Variants in INPP5B observed in about 807,000 individuals in gnomAD.
INPP5B encodes the protein type II inositol 1,4,5-trisphosphate 5-phosphatase.
Under a neutral mutation model 118.5 loss-of-function variants are expected in INPP5B, and 90 were observed. The ratio of observed to expected loss-of-function variants is 0.76; its 90% CI spans 0.64 to 0.90. The LOEUF is 0.90. Among genes scored for constraint, INPP5B ranks in the 40% least tolerant of loss-of-function variants. The pLI is 0.00. For synonymous variants in INPP5B, 385 were observed against 418.9 expected, an observed-to-expected ratio of 0.92 and a Z score of 0.99; for missense variants, 984 against 1,125.6, an observed-to-expected ratio of 0.87 and a Z score of 1.80.
rs1641732940 is a variant in INPP5B, at chr1:37,862,090, A to G, written c.*225T>C. The G allele has an allele frequency of 2.2e-6, 1 of 457,412 alleles. No homozygotes were observed. The allele number at this position is 457,412 out of a possible 1,614,324, so 28.3% of individuals were successfully genotyped here. ...TCTGTGTTAAATAACTAAAGTTGAA[A>G]ATTGAATGTCAGTTTTATTATGGTG... On this transcript the variant is annotated 3_prime_UTR_variant, in exon 24 of 24. Coordinates refer to ENST00000373024, the MANE Select transcript of INPP5B (RefSeq NM_005540.3).
intron 19 of INPP5B, among the ~76,000 whole-genome samples, chr1:37,870,390 T>A (rs373870759): frequency 6.6e-6 from 1 of 152,216 alleles, no homozygotes; most frequent in South Asian, 2.1e-4. Context: ...GGATTACAAT[T>A]GTGAGTCACT....
chr1:37,945,432 AAAAC>A (rs1284823642), intron 3 of INPP5B, among the ~76,000 whole-genome samples: 1 of 152,174 alleles, frequency 6.6e-6, no homozygotes, highest in African/African-American at 2.4e-5. Context: ...ACTCCTTCTC[AAAAC>A]AAACAAACAA....
chr1:37,874,167 C>T lies in INPP5B; in HGVS notation c.1789-12G>A, dbSNP rs765841199. ...TTCTGAAAACAGAACTGGGAAGAAGCCCGGGGCCAGTGAAAACCAGTGCCC... is the reference window on the plus strand; with the variant it reads ...TTCTGAAAACAGAACTGGGAAGAAGTCCGGGGCCAGTGAAAACCAGTGCCC... On this transcript the variant is annotated splice_polypyrimidine_tract_variant and intron_variant, in intron 17 of 23. Coordinates refer to ENST00000373024, the MANE Select transcript of INPP5B (RefSeq NM_005540.3). The T allele has an allele frequency of 4.5e-6, 7 of 1,545,104 alleles. No homozygotes were observed. Among genetic ancestry groups the T allele is most frequent in the South Asian group, 2.4e-5 (2 of 83,870 alleles).
intron 19 of INPP5B, among the ~76,000 whole-genome samples, chr1:37,871,539 G>A (rs1440120905): frequency 1.3e-5 from 2 of 152,024 alleles, no homozygotes; most frequent in East Asian, 1.9e-4. Context: ...AAGCTGAGGC[G>A]GGCAGATCAC....
chr1:37,932,151 G>GGAGAAACA, intron 6 of INPP5B, 98 bp from the exon 7 acceptor site: 20 of 1,305,062 alleles, frequency 1.5e-5, no homozygotes, highest in Non-Finnish European at 1.9e-5. Flanking sequence ...TGTTTCTCCC[G>GGAGAAACA]CGCACAGAAG....
At chr1:37,922,029 CAA>C (rs968003099) in intron 7 of INPP5B, among the ~76,000 whole-genome samples, 1 of 150,660 alleles carries the variant, frequency 6.6e-6, no homozygotes, top group Non-Finnish European at 1.5e-5. Flanking sequence ...AAGACTGTCT[CAA>C]AAAACTAAAA....
chr1:37,892,874 G>A (rs745892561), intron 7 of INPP5B, among the ~76,000 whole-genome samples: 6 of 152,130 alleles, frequency 3.9e-5, no homozygotes, highest in Admixed American at 1.3e-4. Flanking sequence ...TATAAGGGTT[G>A]AGGAGACTAG....
In INPP5B at chr1:37,882,928, C is replaced by G. The variant is rs978480225; in HGVS notation, c.1320-10G>C. On this transcript the variant is annotated splice_polypyrimidine_tract_variant and intron_variant, in intron 13 of 23. Transcript: ENST00000373024. ...CAGCCACAAGATCACACTGTGAGGACAGAGCACAAAGGTAACAGGGTTTAG... is the reference window on the plus strand; with the variant it reads ...CAGCCACAAGATCACACTGTGAGGAGAGAGCACAAAGGTAACAGGGTTTAG... 2 of 1,614,082 alleles carry G rather than the reference C, an allele frequency of 1.2e-6. No homozygotes were observed. The highest frequency in any genetic ancestry group is 8.5e-7 in the Non-Finnish European group (1 of 1,179,970).
At position 37,907,433 on chromosome 1, in the gene INPP5B, T is replaced by C. The variant is rs1644538205; in HGVS notation, c.533-15979A>G. ...TTACAGAAGATGGATTTTCATCCCT[T>C]TGCAACCCTTATGATTAAGGGCTCT... On this transcript the variant is annotated intron_variant, in intron 7 of 23. Coordinates refer to ENST00000373024, the MANE Select transcript of INPP5B (RefSeq NM_005540.3). This position sits in a 1 kb window ranked among gnomAD's most constrained non-coding sequence, Gnocchi z 4.3. Among the ~76,000 whole-genome samples the C allele has an allele frequency of 6.6e-6, 1 of 152,176 alleles. No individual in the cohort carries two copies. The highest frequency in any genetic ancestry group is 2.4e-5 in the African/African-American group (1 of 41,450).
intron 7 of INPP5B, among the ~76,000 whole-genome samples, chr1:37,918,191 C>T (rs751102030): frequency 3.9e-5 from 6 of 152,128 alleles, no homozygotes; most frequent in African/African-American, 7.2e-5. Flanking sequence ...AGGAGTCTCC[C>T]AACTAAGAGA....
chr1:37,923,426 G>T (rs1645121419), intron 7 of INPP5B, among the ~76,000 whole-genome samples: 1 of 152,164 alleles, frequency 6.6e-6, no homozygotes, highest in Non-Finnish European at 1.5e-5. Context: ...CTATACTAAG[G>T]AATTTGAGCT....
At chr1:37,875,559 C>T (rs776872175) in intron 17 of INPP5B, 47 bp downstream of exon 17, 3 of 1,469,020 alleles carry the variant, frequency 2.0e-6, no homozygotes, top group African/African-American at 1.4e-5. Flanking sequence ...TGAGCCACTG[C>T]ACCCGGCCTG....
intron 20 of INPP5B, among the ~76,000 whole-genome samples, chr1:37,867,700 T>C (rs988976354): frequency 1.3e-5 from 2 of 152,230 alleles, no homozygotes; most frequent in African/African-American, 2.4e-5. Context: ...GCTTGTAGTT[T>C]GTATAGGTCT....
chr1:37,937,065 C>T (rs922925901), intron 6 of INPP5B, among the ~76,000 whole-genome samples: 1 of 152,102 alleles, frequency 6.6e-6, no homozygotes, highest in East Asian at 1.9e-4. Context: ...GTATTCCCAG[C>T]ACTTTGGGAG....
rs541485320 is a variant in INPP5B, at chr1:37,923,304, A to T, written c.532+8609T>A. Among the ~76,000 whole-genome samples, 8 of 152,234 alleles carry T rather than the reference A, an allele frequency of 5.3e-5. 1 individual carries two copies. The highest frequency in any genetic ancestry group is 4.6e-4 in the Admixed American group (7 of 15,272). ...AATAGGTGAAAAAGTACAGGGCTTT[A>T]TCCAGAAATAATAAGCAGTCAAGTT... On this transcript the variant is annotated intron_variant, in intron 7 of 23. Coordinates refer to ENST00000373024, the MANE Select transcript of INPP5B (RefSeq NM_005540.3).
At chr1:37,923,283 G>A (rs1235628599) in intron 7 of INPP5B, among the ~76,000 whole-genome samples, 7 of 152,138 alleles carry the variant, frequency 4.6e-5, no homozygotes, top group South Asian at 2.1e-4. Flanking sequence ...TCAACAAATA[G>A]GTGAAAAAGT....
intron 10 of INPP5B, among the ~76,000 whole-genome samples, chr1:37,887,848 A>G (rs1233943134): frequency 8.2e-6 from 1 of 122,516 alleles, no homozygotes; most frequent in African/African-American, 2.6e-5. Context: ...TGCCCAGTAT[A>G]GAGATGAGAA....
chr1:37,903,662 G>A (rs1321356442), intron 7 of INPP5B, among the ~76,000 whole-genome samples: 1 of 152,076 alleles, frequency 6.6e-6, no homozygotes, highest in East Asian at 1.9e-4. Context: ...AGGAGGTGGA[G>A]CTTGCAGTGA....
At chr1:37,893,433 C>T (rs1285529911) in intron 7 of INPP5B, among the ~76,000 whole-genome samples, 1 of 152,118 alleles carries the variant, frequency 6.6e-6, no homozygotes, top group African/African-American at 2.4e-5. Flanking sequence ...TTTGTTATAA[C>T]AGCCTACAGA....
Sources: allele counts gnomAD v4.1 joint callset (sites outside exome capture counted in the v4.1 genomes callset), GRCh38; gene constraint gnomAD v4.1.1; non-coding constraint Gnocchi (gnomAD v3.1); transcripts MANE v1.5; gene names NCBI Gene and HGNC (gene_info 2026-07-23, HGNC 2026-07-21).